The following CCDC102B variants were observed in gnomAD, a reference collection of about 807,000 sequenced individuals.
CCDC102B encodes the protein coiled-coil domain-containing protein 102B.
In CCDC102B, 75 loss-of-function variants were observed where a neutral mutation model predicts 57.4. The ratio of observed to expected loss-of-function variants is 1.31; its 90% CI spans 1.08 to 1.58. The LOEUF (loss-of-function observed/expected upper bound fraction) is 1.58. Among genes scored for constraint, CCDC102B ranks in the 40% most tolerant of loss-of-function variants. The pLI, the probability that CCDC102B is intolerant of heterozygous loss-of-function variation, is 0.00. For missense variants in CCDC102B, 636 were observed against 582.6 expected, an observed-to-expected ratio of 1.09 and a Z score of -0.94; for synonymous variants, 206 against 201.9, an observed-to-expected ratio of 1.02 and a Z score of -0.17.
chr18:68,975,508 T>C (rs1427195850), intron 6 of CCDC102B, among the ~76,000 whole-genome samples: 1 of 152,032 alleles, frequency 6.6e-6, no homozygotes, highest in African/African-American at 2.4e-5. Flanking sequence ...TTGTTATAGA[T>C]GTAGTAAAAC....
At chr18:68,898,592 G>T (rs2040324140) in intron 6 of CCDC102B, among the ~76,000 whole-genome samples, 1 of 152,162 alleles carries the variant, frequency 6.6e-6, no homozygotes, top group Admixed American at 6.5e-5. Flanking sequence ...ATGGACTGTG[G>T]TTTGATTATA....
chr18:68,804,551 G>A (rs982750091), intron 1 of CCDC102B, among the ~76,000 whole-genome samples: 1 of 152,174 alleles, frequency 6.6e-6, no homozygotes, highest in Admixed American at 6.5e-5. Flanking sequence ...GAGACAGAAT[G>A]TGGGGCAGCT....
chr18:68,783,829 A>G (rs2035089362), intron 2 of CCDC102B, among the ~76,000 whole-genome samples: 1 of 152,178 alleles, frequency 6.6e-6, no homozygotes, highest in African/African-American at 2.4e-5. Flanking sequence ...TAGGAGAGGA[A>G]ACATACTATA....
At chr18:68,812,620 A>G (rs954755118) in intron 1 of CCDC102B, among the ~76,000 whole-genome samples, 14 of 152,236 alleles carry the variant, frequency 9.2e-5, no homozygotes, top group Admixed American at 8.5e-4. Context: ...GTAGGTTGAT[A>G]TATTTCAATA....
At chr18:68,994,849 A>G (rs1466384191) in intron 6 of CCDC102B, among the ~76,000 whole-genome samples, 1 of 152,348 alleles carries the variant, frequency 6.6e-6, no homozygotes, top group Non-Finnish European at 1.5e-5. Flanking sequence ...TACTGCAGAC[A>G]GTAGAGTGCT....
At chr18:68,900,700 A>T (rs1255793480) in intron 6 of CCDC102B, among the ~76,000 whole-genome samples, 1 of 152,166 alleles carries the variant, frequency 6.6e-6, no homozygotes, top group Non-Finnish European at 1.5e-5. Context: ...TATCTATATA[A>T]CATAAATAAG....
chr18:68,751,151 T>G (rs1052079445), intron 2 of CCDC102B, among the ~76,000 whole-genome samples: 20 of 152,112 alleles, frequency 1.3e-4, no homozygotes, highest in African/African-American at 4.1e-4. Context: ...TCACTTCTCA[T>G]TATTGGCAAG....
chr18:68,772,806 A>G (rs140731455), intron 2 of CCDC102B, among the ~76,000 whole-genome samples: 55 of 152,236 alleles, frequency 3.6e-4, no homozygotes, highest in African/African-American at 1.3e-3. Context: ...GAATGGCTTT[A>G]GTATTTTATC....
At chr18:68,935,514 C>A (rs2049208738) in intron 6 of CCDC102B, among the ~76,000 whole-genome samples, 1 of 151,738 alleles carries the variant, frequency 6.6e-6, no homozygotes, top group African/African-American at 2.4e-5. Flanking sequence ...TTTGAAATAC[C>A]CATTAGACAA....
At chr18:68,878,364 C>T (rs898455674) in intron 5 of CCDC102B, among the ~76,000 whole-genome samples, 1 of 152,160 alleles carries the variant, frequency 6.6e-6, no homozygotes, top group Non-Finnish European at 1.5e-5. Flanking sequence ...TCCCAAAGTG[C>T]TGGGATTACA....
chr18:68,810,694 T>G (rs1299771097), intron 1 of CCDC102B, among the ~76,000 whole-genome samples: 5 of 142,616 alleles, frequency 3.5e-5, no homozygotes, highest in African/African-American at 8.0e-5. Flanking sequence ...TTTTTTTTTT[T>G]TTTTTTTTTT....
intron 6 of CCDC102B, among the ~76,000 whole-genome samples, chr18:68,913,659 G>T (rs76622731): frequency 2.1e-5 from 3 of 141,942 alleles, no homozygotes; most frequent in Non-Finnish European, 4.6e-5. Context: ...GGTCTCAAAA[G>T]AAAAAAAAAA....
intron 2 of CCDC102B, among the ~76,000 whole-genome samples, chr18:68,776,215 A>T (rs1447375775): frequency 6.6e-6 from 1 of 152,096 alleles, no homozygotes; most frequent in Non-Finnish European, 1.5e-5. Flanking sequence ...GTTGGGTATA[A>T]TCTGCTTATT....
At chr18:68,893,309 G>T (rs886432228) in intron 5 of CCDC102B, among the ~76,000 whole-genome samples, 1 of 152,140 alleles carries the variant, frequency 6.6e-6, no homozygotes, top group African/African-American at 2.4e-5. Context: ...TCTAAAAGGA[G>T]AATTGGGACT....
chr18:68,947,572 T>C (rs982620196), intron 6 of CCDC102B, among the ~76,000 whole-genome samples: 1 of 152,120 alleles, frequency 6.6e-6, no homozygotes, highest in Non-Finnish European at 1.5e-5. Context: ...TAACTATTCA[T>C]ATAAAATTCA....
intron 7 of CCDC102B, among the ~76,000 whole-genome samples, chr18:69,034,341 T>C (rs1261896141): frequency 1.3e-5 from 2 of 152,042 alleles, no homozygotes; most frequent in African/African-American, 4.8e-5. Context: ...TTTATAGTTT[T>C]AGCTCTCACA....
chr18:68,758,196 A>G (rs1037735084), intron 2 of CCDC102B, among the ~76,000 whole-genome samples: 136 of 33,682 alleles, frequency 4.0e-3, no homozygotes, highest in African/African-American at 0.011. Flanking sequence ...ACATGTAGAC[A>G]TGTGTGTTGT....
chr18:68,893,096 A>G (rs963542270), intron 5 of CCDC102B, among the ~76,000 whole-genome samples: 3 of 152,198 alleles, frequency 2.0e-5, no homozygotes, highest in Non-Finnish European at 4.4e-5. Context: ...CAACTTGAGG[A>G]AAAAGTAAAT....
intron 3 of CCDC102B, among the ~76,000 whole-genome samples, chr18:68,839,579 G>T (rs1437700413): frequency 6.6e-6 from 1 of 152,126 alleles, no homozygotes; most frequent in African/African-American, 2.4e-5. Flanking sequence ...GCATGGCTTG[G>T]CATGGACATT....
Sources: allele counts gnomAD v4.1 joint callset (sites outside exome capture counted in the v4.1 genomes callset), GRCh38; gene constraint gnomAD v4.1.1; transcripts MANE v1.5; gene names NCBI Gene and HGNC (gene_info 2026-07-23, HGNC 2026-07-21).